Variants in SLCO2A1 observed in about 807,000 individuals in gnomAD.
SLCO2A1 encodes solute carrier organic anion transporter family member 2A1.
Under a neutral mutation model 71.7 loss-of-function variants are expected in SLCO2A1, and 60 were observed. The observed-to-expected ratio is 0.84, with a 90% CI of 0.68 to 1.04. The LOEUF (loss-of-function observed/expected upper bound fraction) is 1.04. Among genes scored for constraint, SLCO2A1 ranks in the 50% least tolerant of loss-of-function variants. SLCO2A1 has a pLI of 0.00. For synonymous variants in SLCO2A1, 308 were observed against 326.7 expected (o/e 0.94, Z 0.62); for missense variants, 745 against 813.4 (o/e 0.92, Z 1.02).
intron 3 of SLCO2A1, among the ~76,000 whole-genome samples, chr3:133,964,333 G>A (rs1458514465): frequency 6.6e-6 from 1 of 152,106 alleles, no homozygotes; most frequent in Non-Finnish European, 1.5e-5. Flanking sequence ...ATTCTTATGA[G>A]AATTAAAAAT....
chr3:134,024,960 G>A (rs903537067), intron 1 of SLCO2A1, among the ~76,000 whole-genome samples: 6 of 152,008 alleles, frequency 3.9e-5, no homozygotes, highest in Non-Finnish European at 5.9e-5. Flanking sequence ...CCCAACCTCC[G>A]AGACCATCCT....
At chr3:133,967,685 A>G (rs1934212720) in intron 3 of SLCO2A1, among the ~76,000 whole-genome samples, 1 of 151,670 alleles carries the variant, frequency 6.6e-6, no homozygotes, top group Non-Finnish European at 1.5e-5. Context: ...AGGTTGTGCA[A>G]CTCCCACTAG....
chr3:133,988,856 C>T (rs1042315718), intron 1 of SLCO2A1, among the ~76,000 whole-genome samples: 7 of 152,190 alleles, frequency 4.6e-5, no homozygotes, highest in African/African-American at 1.7e-4. Flanking sequence ...AGTCTGGAGA[C>T]AAGGAACTTA....
At chr3:134,010,382 A>G (rs1193457686) in intron 1 of SLCO2A1, among the ~76,000 whole-genome samples, 4 of 152,128 alleles carry the variant, frequency 2.6e-5, no homozygotes, top group Admixed American at 6.5e-5. Flanking sequence ...GCATATCTTC[A>G]TAAGGCAGCA....
Position 133,945,263 on chromosome 3 carries a change from G to A in SLCO2A1, c.1296-3C>T. 6.3e-7 allele frequency: 1 copy of A among 1,598,272 alleles called. No individual in the cohort carries two copies. Among genetic ancestry groups the A allele is most frequent in the Non-Finnish European group, 8.5e-7 (1 of 1,174,566 alleles). Reference sequence around the variant, plus strand: ...GCGGATGTATAGAACTTGATGTGCTGCCAGCAAAAGAGGAAACGGGGAATC... The same window carrying A: ...GCGGATGTATAGAACTTGATGTGCTACCAGCAAAAGAGGAAACGGGGAATC... On this transcript the variant is annotated splice_polypyrimidine_tract_variant and splice_region_variant and intron_variant, in intron 9 of 13. Coordinates refer to ENST00000310926, the MANE Select transcript of SLCO2A1 (RefSeq NM_005630.3).
intron 1 of SLCO2A1, among the ~76,000 whole-genome samples, chr3:133,994,419 A>G (rs1260461750): frequency 1.3e-5 from 2 of 152,218 alleles, no homozygotes; most frequent in East Asian, 3.9e-4. Flanking sequence ...CCTCAGTGCC[A>G]TGTCCAGTGG....
chr3:134,021,380 T>C (rs1048994673), intron 1 of SLCO2A1, among the ~76,000 whole-genome samples: 1 of 152,094 alleles, frequency 6.6e-6, no homozygotes, highest in African/African-American at 2.4e-5. Flanking sequence ...AAGTTGGCCA[T>C]TAGAAGGAAG....
In SLCO2A1 at chr3:133,945,080, C is replaced by A. The variant is rs776347583; in HGVS notation, c.1461+15G>T. ...TGTGGGGCTCCTCTTGCCTCTGGAC[C>A]CTGGCTGCCCTTACCAGTTGCTTGG... is the stretch of plus-strand genomic sequence containing the variant. On this transcript the variant is annotated intron_variant, in intron 10 of 13. Transcript: ENST00000310926. The A allele has an allele frequency of 3.7e-6, 6 of 1,604,440 alleles. No homozygotes were observed. Among genetic ancestry groups the A allele is most frequent in the Non-Finnish European group, 5.1e-6 (6 of 1,176,030 alleles).
chr3:133,938,618 G>T, intron 11 of SLCO2A1, 125 bp from the exon 12 acceptor site: 1 of 825,926 alleles, frequency 1.2e-6, no homozygotes, highest in South Asian at 1.5e-5. Flanking sequence ...GCCCTCTGGT[G>T]ACCGGGTTCA....
chr3:134,024,020 G>A (rs1935648766), intron 1 of SLCO2A1, among the ~76,000 whole-genome samples: 1 of 152,248 alleles, frequency 6.6e-6, no homozygotes, highest in South Asian at 2.1e-4. Context: ...TGACAGGGAG[G>A]AAACTTAGTG....
rs1445543495 is a variant in SLCO2A1 at position 133,948,608 on chromosome 3, G to A, written c.1033C>T (p.Leu345Phe). The A allele has an allele frequency of 3.1e-6, 5 of 1,614,042 alleles. No individual in the cohort carries two copies. Among genetic ancestry groups the A allele is most frequent in the Non-Finnish European group, 4.2e-6 (5 of 1,180,012 alleles). The change falls in exon 8 of 14, where the codon CTC (leucine) becomes TTC (phenylalanine). Residue 345 changes from leucine to phenylalanine, a missense_variant. Coordinates refer to ENST00000310926, the MANE Select transcript of SLCO2A1 (RefSeq NM_005630.3). ...QCTFSSVIAG[L>F]STFLNKFLEK... ...AGGAACTTGTTGAGGAAGGTGGAGA[G>A]GCCAGCAATGACGGAGGAGAAGGTG...
chr3:133,971,440 G>A (rs1934323406), intron 3 of SLCO2A1, among the ~76,000 whole-genome samples: 1 of 152,228 alleles, frequency 6.6e-6, no homozygotes, highest in South Asian at 2.1e-4. Context: ...CAGTTCACTG[G>A]AGATTTATAA....
intron 10 of SLCO2A1, among the ~76,000 whole-genome samples, 187 bp downstream of exon 10, chr3:133,944,908 G>T (rs940492680): frequency 6.6e-6 from 1 of 152,232 alleles, no homozygotes; most frequent in South Asian, 2.1e-4. Flanking sequence ...GTCAGCATCT[G>T]GTCATGACCC....
At chr3:134,011,603 C>A (rs1216764955) in intron 1 of SLCO2A1, among the ~76,000 whole-genome samples, 1 of 152,216 alleles carries the variant, frequency 6.6e-6, no homozygotes, top group South Asian at 2.1e-4. Context: ...TTAACTTGGA[C>A]CTGCCACATA....
chr3:133,981,604 G>A (rs919728614), intron 1 of SLCO2A1, among the ~76,000 whole-genome samples: 2 of 152,194 alleles, frequency 1.3e-5, no homozygotes, highest in African/African-American at 4.8e-5. Context: ...GGGGGACAAC[G>A]TGGTTTCCAG....
At chr3:133,938,280 G>GGATTTT in intron 12 of SLCO2A1, 149 bp downstream of exon 12, 2 of 725,824 alleles carry the variant, frequency 2.8e-6, no homozygotes, top group South Asian at 3.3e-5. Context: ...CCGTCCACAT[G>GGATTTT]GATTTTGGCA....
intron 1 of SLCO2A1, among the ~76,000 whole-genome samples, chr3:133,990,183 C>T (rs1003100567): frequency 6.6e-6 from 1 of 152,266 alleles, no homozygotes; most frequent in Non-Finnish European, 1.5e-5. Context: ...CATCTGTCTT[C>T]CTCCATTCTA....
chr3:133,954,318 A>G (rs771094756), intron 4 of SLCO2A1, among the ~76,000 whole-genome samples: 44 of 150,446 alleles, frequency 2.9e-4, no homozygotes, highest in Non-Finnish European at 5.3e-4. Flanking sequence ...ATGCGCCACC[A>G]TGCCCAGCTA....
intron 3 of SLCO2A1, among the ~76,000 whole-genome samples, chr3:133,956,778 T>A (rs551562938): frequency 6.6e-6 from 1 of 152,244 alleles, no homozygotes; most frequent in South Asian, 2.1e-4. Context: ...AATAAAAAAA[T>A]AGTAACTAGT....
Sources: allele counts gnomAD v4.1 joint callset (sites outside exome capture counted in the v4.1 genomes callset), GRCh38; gene constraint gnomAD v4.1.1; transcripts MANE v1.5; gene names NCBI Gene and HGNC (gene_info 2026-07-23, HGNC 2026-07-21).